SGPL1: variants seen among roughly 807,000 people sequenced by gnomAD.
SGPL1 encodes sphingosine-1-phosphate lyase 1, also known as SP-lyase 1.
SGPL1 carries 37 observed loss-of-function variants against 68.9 expected under a neutral mutation model. The observed-to-expected ratio is 0.54, with a 90% CI of 0.41 to 0.71. SGPL1 has a LOEUF of 0.71. SGPL1 is among the 30% of genes least tolerant of loss of function. The pLI is 0.00. For missense variants in SGPL1, 551 were observed against 704.6 expected, an observed-to-expected ratio of 0.78 and a Z score of 2.47; for synonymous variants, 236 against 248.5, an observed-to-expected ratio of 0.95 and a Z score of 0.47.
intron 13 of SGPL1, 47 bp from the exon 14 acceptor site, chr10:70,876,493 AT>A: frequency 6.4e-7 from 1 of 1,554,616 alleles, no homozygotes; most frequent in Non-Finnish European, 8.7e-7. Context: ...ATTTTAGAAC[AT>A]TTTTTCTTTC....
intron 12 of SGPL1, 61 bp from the exon 13 acceptor site, chr10:70,875,341 C>A: frequency 9.3e-7 from 1 of 1,069,750 alleles, no homozygotes; most frequent in Non-Finnish European, 1.4e-6. Context: ...GAGATAGTGA[C>A]CAGGGGATTG....
At chr10:70,832,600 C>CT (rs1479422466) in intron 2 of SGPL1, among the ~76,000 whole-genome samples, 3 of 152,128 alleles carry the variant, frequency 2.0e-5, no homozygotes, top group African/African-American at 7.2e-5. Flanking sequence ...CTAGATCTTG[C>CT]TTATTATCCA....
At chr10:70,852,737 C>T (rs1050791546) in intron 4 of SGPL1, among the ~76,000 whole-genome samples, 11 of 137,736 alleles carry the variant, frequency 8.0e-5, no homozygotes, top group South Asian at 2.2e-4. Flanking sequence ...TGCGCGCGCA[C>T]GCGTGTGTGT....
chr10:70,836,763 A>T (rs911042042), intron 2 of SGPL1, among the ~76,000 whole-genome samples: 6 of 151,550 alleles, frequency 4.0e-5, no homozygotes, highest in African/African-American at 1.5e-4. Flanking sequence ...TTTGTTTTTT[A>T]AATTTTTTTG....
chr10:70,826,748 AGTTT>A (rs756281726), intron 2 of SGPL1, among the ~76,000 whole-genome samples: 14 of 151,978 alleles, frequency 9.2e-5, no homozygotes, highest in Non-Finnish European at 1.8e-4. Flanking sequence ...TCCTAAGTTT[AGTTT>A]GTTTTTTTTT....
At chr10:70,827,808 T>C (rs1315731391) in intron 2 of SGPL1, among the ~76,000 whole-genome samples, 2 of 152,192 alleles carry the variant, frequency 1.3e-5, no homozygotes, top group Non-Finnish European at 2.9e-5. Context: ...AGCCAGCTTC[T>C]TAATGTCCCT....
chr10:70,838,190 G>A (rs1046721679), intron 2 of SGPL1, among the ~76,000 whole-genome samples: 2 of 152,142 alleles, frequency 1.3e-5, no homozygotes, highest in Non-Finnish European at 2.9e-5. Flanking sequence ...GTGTGGGTCT[G>A]GAAATATTTG....
At chr10:70,864,905 G>A (rs979369470) in intron 7 of SGPL1, among the ~76,000 whole-genome samples, 4 of 152,154 alleles carry the variant, frequency 2.6e-5, no homozygotes, top group African/African-American at 9.7e-5. Flanking sequence ...ACCTATCAGA[G>A]TTCACTCTCT....
intron 2 of SGPL1, among the ~76,000 whole-genome samples, chr10:70,827,697 T>C (rs1465226376): frequency 6.6e-6 from 1 of 152,156 alleles, no homozygotes; most frequent in Non-Finnish European, 1.5e-5. Context: ...TGAGGTCCAA[T>C]TTGCATACAG....
intron 2 of SGPL1, among the ~76,000 whole-genome samples, chr10:70,829,750 C>G (rs1845501004): frequency 6.6e-6 from 1 of 152,142 alleles, no homozygotes; most frequent in Non-Finnish European, 1.5e-5. Context: ...TCTAGGACAC[C>G]ACAGCTGCCT....
intron 5 of SGPL1, among the ~76,000 whole-genome samples, chr10:70,856,528 G>A (rs149570747): frequency 6.6e-6 from 1 of 152,282 alleles, no homozygotes; most frequent in East Asian, 1.9e-4. Context: ...TAAAAGAACA[G>A]GAAATGAAAC....
At chr10:70,823,563 G>GAAAA (rs139852875) in intron 2 of SGPL1, among the ~76,000 whole-genome samples, 1 of 83,468 alleles carries the variant, frequency 1.2e-5, no homozygotes, top group African/African-American at 4.7e-5. Flanking sequence ...ACTTTATATT[G>GAAAA]AAAAAAAAAA....
chr10:70,832,395 C>T (rs955665007), intron 2 of SGPL1, among the ~76,000 whole-genome samples: 1 of 152,152 alleles, frequency 6.6e-6, no homozygotes, highest in African/African-American at 2.4e-5. Flanking sequence ...AGCAGCATGA[C>T]TGTTGTAGGG....
At chr10:70,822,154 GC>G (rs1845350165) in intron 2 of SGPL1, among the ~76,000 whole-genome samples, 1 of 152,170 alleles carries the variant, frequency 6.6e-6, no homozygotes, top group African/African-American at 2.4e-5. Flanking sequence ...TATTATTTGA[GC>G]CTTGTGTCTT....
chr10:70,819,335 A>G (rs1189486739), intron 2 of SGPL1, among the ~76,000 whole-genome samples: 2 of 152,230 alleles, frequency 1.3e-5, no homozygotes, highest in East Asian at 3.8e-4. Context: ...TCTGAAGACA[A>G]CATACATGTT....
chr10:70,822,140 G>C (rs1418679761), intron 2 of SGPL1, among the ~76,000 whole-genome samples: 2 of 152,172 alleles, frequency 1.3e-5, no homozygotes, highest in Non-Finnish European at 2.9e-5. Context: ...TAGGAGCTCT[G>C]TTCTATTATT....
At chr10:70,867,722 T>C (rs1417214065) in intron 7 of SGPL1, among the ~76,000 whole-genome samples, 1 of 152,202 alleles carries the variant, frequency 6.6e-6, no homozygotes, top group East Asian at 1.9e-4. Flanking sequence ...TTGTTTGAAC[T>C]CTGGTAAAGA....
chr10:70,851,863 A>G (rs1471966331), intron 4 of SGPL1, among the ~76,000 whole-genome samples: 1 of 152,220 alleles, frequency 6.6e-6, no homozygotes, highest in African/African-American at 2.4e-5. Flanking sequence ...GAATTCAGGT[A>G]GGCCTTTGTT....
chr10:70,876,629 A>T lies in SGPL1; in HGVS notation c.1534A>T (p.Met512Leu). Residue 512 changes from methionine to leucine, a missense_variant, in exon 14 of 15, where the codon ATG (methionine) becomes TTG (leucine). Physicochemically the swap from Met to Leu is conservative, Grantham distance 15. Coordinates refer to ENST00000373202, the MANE Select transcript of SGPL1 (RefSeq NM_003901.4). ...CATTCGAGAATCTGTCACTCAAATC[A>T]TGAAGAATCCTAAAGCGAAGACCAC... is the stretch of plus-strand genomic sequence containing the variant. ...KDIRESVTQI[M>L]KNPKAKTTGM... The T allele has an allele frequency of 1.9e-6, 3 of 1,613,830 alleles. No homozygotes were observed. Among genetic ancestry groups the T allele is most frequent in the South Asian group, 1.1e-5 (1 of 91,006 alleles).
Sources: gnomAD v4.1 joint callset for allele counts (sites outside exome capture counted in the v4.1 genomes callset) on GRCh38, gnomAD v4.1.1 for gene constraint, MANE v1.5 for transcripts, NCBI Gene and HGNC (gene_info 2026-07-23, HGNC 2026-07-21) for gene names.